PRKD1: variants seen among roughly 807,000 people sequenced by gnomAD.
PRKD1 encodes serine/threonine-protein kinase D1.
PRKD1 carries 63 observed loss-of-function variants against 95.9 expected under a neutral mutation model. The ratio of observed to expected loss-of-function variants is 0.66; its 90% confidence interval spans 0.54 to 0.81. The LOEUF is 0.81. Ranked by LOEUF, PRKD1 falls within the 30% of genes least tolerant of loss-of-function variation. The probability of loss-of-function intolerance (pLI) is 0.00; values close to 1 mark genes in which losing one functional copy is unlikely to be tolerated. For synonymous variants in PRKD1, 425 were observed against 423.1 expected, an observed-to-expected ratio of 1.00 and a Z score of -0.05; for missense variants, 1,048 against 1,165.3, an observed-to-expected ratio of 0.90 and a Z score of 1.47.
intron 1 of PRKD1, among the ~76,000 whole-genome samples, chr14:29,869,772 C>A (rs993172890): frequency 2.0e-5 from 3 of 152,136 alleles, no homozygotes; most frequent in African/African-American, 7.2e-5. Context: ...TAAAAACTAA[C>A]CTATTTCTAC....
intron 4 of PRKD1, among the ~76,000 whole-genome samples, chr14:29,663,163 A>ATATATATATG (rs1387646228): frequency 6.9e-6 from 1 of 145,930 alleles, no homozygotes; most frequent in Non-Finnish European, 1.5e-5. Flanking sequence ...ATATATATAT[A>ATATATATATG]TATATATTCT....
At chr14:29,863,380 T>C (rs529941797) in intron 1 of PRKD1, among the ~76,000 whole-genome samples, 16 of 152,296 alleles carry the variant, frequency 1.1e-4, no homozygotes, top group African/African-American at 3.8e-4. Context: ...TAACTAAATA[T>C]TTCACCAATA....
chr14:29,734,767 T>C (rs565906009), intron 1 of PRKD1, among the ~76,000 whole-genome samples: 70 of 152,332 alleles, frequency 4.6e-4, no homozygotes, highest in Non-Finnish European at 9.3e-4. Flanking sequence ...ACCAGATCCT[T>C]ACACAGATTT....
chr14:29,646,751 C>T (rs1443292741), intron 4 of PRKD1, among the ~76,000 whole-genome samples: 5 of 139,650 alleles, frequency 3.6e-5, no homozygotes, highest in African/African-American at 5.6e-5. Context: ...AAACAAAAAA[C>T]GAAAAAAAAA....
rs563925674 is a variant in PRKD1, at chr14:29,634,220, C to T, written c.1314+198G>A. Among the ~76,000 whole-genome samples the T allele has an allele frequency of 7.2e-5, 11 of 152,326 alleles. No homozygotes were observed. In the South Asian group the frequency reaches 2.1e-3, roughly 29 times the overall value. On this transcript the variant is annotated intron_variant, in intron 8 of 17. Transcript: ENST00000331968. Reference sequence around the variant, plus strand: ...TTTGTTTGCCTGAAATTGCTTTCCACACTTTTTCCTAACTTCGTTGCTTGC... The same window carrying T: ...TTTGTTTGCCTGAAATTGCTTTCCATACTTTTTCCTAACTTCGTTGCTTGC...
At chr14:29,732,736 G>A (rs1030151306) in intron 1 of PRKD1, among the ~76,000 whole-genome samples, 6 of 152,034 alleles carry the variant, frequency 3.9e-5, no homozygotes, top group Admixed American at 3.3e-4. Flanking sequence ...AGAGTTGTAT[G>A]TTAATGTTTT....
chr14:29,826,832 T>TATACAC (rs1566623138), intron 1 of PRKD1, among the ~76,000 whole-genome samples: 805 of 28,688 alleles, frequency 0.028, 126 homozygotes, highest in South Asian at 0.043. Context: ...TATATATATA[T>TATACAC]ATATATACAC....
chr14:29,831,846 T>G (rs1264468089), intron 1 of PRKD1, among the ~76,000 whole-genome samples: 9 of 152,140 alleles, frequency 5.9e-5, no homozygotes, highest in African/African-American at 2.2e-4. Context: ...TATAGAATTA[T>G]TTTTATTCAT....
At chr14:29,743,021 C>T (rs1445190875) in intron 1 of PRKD1, among the ~76,000 whole-genome samples, 1 of 152,182 alleles carries the variant, frequency 6.6e-6, no homozygotes, top group African/African-American at 2.4e-5. Context: ...CATTCTTCAT[C>T]CTGCTCCCTT....
At chr14:29,597,877 T>C in intron 15 of PRKD1, 119 bp from the exon 16 acceptor site, 4 of 1,077,158 alleles carry the variant, frequency 3.7e-6, no homozygotes, top group Non-Finnish European at 5.2e-6. Context: ...CATTAAATGA[T>C]ATGGATTTCT....
intron 2 of PRKD1, among the ~76,000 whole-genome samples, chr14:29,698,700 T>C (rs904885495): frequency 6.6e-6 from 1 of 151,892 alleles, no homozygotes; most frequent in Admixed American, 6.6e-5. Context: ...CTCCATGCAA[T>C]GTGTGACAGA....
At chr14:29,908,472 A>T (rs1391146710) in intron 1 of PRKD1, among the ~76,000 whole-genome samples, 13 of 151,732 alleles carry the variant, frequency 8.6e-5, no homozygotes. Flanking sequence ...TTTTCCGTAG[A>T]GACGGGGTTT....
intron 1 of PRKD1, among the ~76,000 whole-genome samples, chr14:29,752,902 A>G (rs1329685661): frequency 2.0e-5 from 3 of 152,110 alleles, no homozygotes; most frequent in Non-Finnish European, 2.9e-5. Context: ...AAAAAAACCT[A>G]GTAGTTTTTG....
At chr14:29,771,715 T>G (rs887122611) in intron 1 of PRKD1, among the ~76,000 whole-genome samples, 1 of 152,178 alleles carries the variant, frequency 6.6e-6, no homozygotes, top group African/African-American at 2.4e-5. Flanking sequence ...GTCATGAGTA[T>G]GCCACTCCAA....
intron 16 of PRKD1, among the ~76,000 whole-genome samples, chr14:29,590,148 G>C (rs572828382): frequency 9.9e-5 from 15 of 152,140 alleles, no homozygotes; most frequent in Non-Finnish European, 1.2e-4. Context: ...CATATGTTTA[G>C]AAATTGAAAT....
intron 1 of PRKD1, among the ~76,000 whole-genome samples, chr14:29,855,651 T>C (rs1400832721): frequency 1.3e-5 from 2 of 152,108 alleles, no homozygotes; most frequent in Non-Finnish European, 1.5e-5. Context: ...AATGATATGG[T>C]TGGGCTCAGA....
chr14:29,853,334 C>A lies in PRKD1; in HGVS notation c.264+73915G>T, dbSNP rs377453391. 2.6e-5 allele frequency among the ~76,000 whole-genome samples: 4 copies of A among 152,174 alleles called. No individual in the cohort carries two copies. The East Asian group carries it at 5.8e-4, about 22-fold the overall frequency. ...CCTATTTTATTTCAGCCTTGGATTA[C>A]AGAATGTAATGACAGCTTTAAAGGC... On this transcript the variant is annotated intron_variant, in intron 1 of 17. Coordinates refer to ENST00000331968, the MANE Select transcript of PRKD1 (RefSeq NM_002742.3).
intron 1 of PRKD1, among the ~76,000 whole-genome samples, chr14:29,883,538 A>G (rs1431436609): frequency 1.3e-5 from 2 of 152,234 alleles, no homozygotes; most frequent in Non-Finnish European, 2.9e-5. Context: ...CAATCCAAAC[A>G]TCAAGTCTGT....
chr14:29,812,516 A>G (rs1049693551), intron 1 of PRKD1, among the ~76,000 whole-genome samples: 11 of 152,186 alleles, frequency 7.2e-5, no homozygotes, highest in African/African-American at 2.7e-4. Context: ...TTTACAAAGG[A>G]AAGAGCTTCT....
Sources: allele counts gnomAD v4.1 joint callset (sites outside exome capture counted in the v4.1 genomes callset), GRCh38; gene constraint gnomAD v4.1.1; transcripts MANE v1.5; gene names NCBI Gene and HGNC (gene_info 2026-07-23, HGNC 2026-07-21).